WWOX: variants seen among roughly 807,000 people sequenced by gnomAD.
WWOX encodes WW domain-containing oxidoreductase.
A neutral mutation model predicts 46.2 loss-of-function variants in WWOX; 69 were observed. The observed-to-expected ratio is 1.49, with a 90% CI of 1.23 to 1.82. The LOEUF (loss-of-function observed/expected upper bound fraction) is 1.82. Ranked by LOEUF, WWOX falls within the 40% of genes most tolerant of loss-of-function variation. WWOX has a pLI of 0.00. For synonymous variants in WWOX, 359 were observed against 202.6 expected, an observed-to-expected ratio of 1.77 and a Z score of -6.56; for missense variants, 919 against 542.6, an observed-to-expected ratio of 1.69 and a Z score of -6.89.
chr16:78,898,123 T>C (rs1597122346), intron 8 of WWOX: 1 of 152,120 alleles, frequency 6.6e-6, no homozygotes, highest in Admixed American at 6.6e-5. Context: ...TCCTTAATGG[T>C]GTCTTTTGAA....
chr16:79,141,386 C>G (rs1352275452), intron 8 of WWOX, among the ~76,000 whole-genome samples: 1 of 152,170 alleles, frequency 6.6e-6, no homozygotes, highest in Non-Finnish European at 1.5e-5. Flanking sequence ...TCATCAGGCC[C>G]TCCTGAGGCT....
chr16:78,528,490 T>C (rs919820630), intron 8 of WWOX, among the ~76,000 whole-genome samples: 3 of 152,126 alleles, frequency 2.0e-5, no homozygotes, highest in African/African-American at 7.2e-5. Context: ...GATTTCATGA[T>C]TGATTCATGA....
intron 5 of WWOX, among the ~76,000 whole-genome samples, chr16:78,348,727 G>A (rs1359775804): frequency 8.2e-6 from 1 of 121,336 alleles, no homozygotes; most frequent in African/African-American, 2.8e-5. Context: ...CAAAGTGCTA[G>A]GATTACAGGT....
intron 6 of WWOX, among the ~76,000 whole-genome samples, chr16:78,406,294 A>G (rs1171725224): frequency 1.1e-5 from 1 of 92,750 alleles, no homozygotes; most frequent in African/African-American, 3.6e-5. Context: ...ATTACAGCAT[A>G]TAAATATAAA....
intron 5 of WWOX, among the ~76,000 whole-genome samples, chr16:78,227,989 G>C (rs968553002): frequency 1.3e-5 from 2 of 152,114 alleles, no homozygotes; most frequent in African/African-American, 4.8e-5. Context: ...GATGTCACCA[G>C]GGCACCACAC....
At chr16:78,772,999 T>G (rs1358448615) in intron 8 of WWOX, among the ~76,000 whole-genome samples, 48 of 152,166 alleles carry the variant, frequency 3.2e-4, no homozygotes. Context: ...TGCTCCAGCC[T>G]GGGCATCAAG....
At chr16:79,048,497 G>A (rs576845404) in intron 8 of WWOX, among the ~76,000 whole-genome samples, 10 of 152,010 alleles carry the variant, frequency 6.6e-5, no homozygotes, top group South Asian at 2.1e-4. Flanking sequence ...TTGGTGCTTC[G>A]TTTCTGTAGC....
At chr16:79,076,780 A>T (rs1359366793) in intron 8 of WWOX, among the ~76,000 whole-genome samples, 1 of 152,246 alleles carries the variant, frequency 6.6e-6, no homozygotes, top group Non-Finnish European at 1.5e-5. Context: ...CAGAATGGGA[A>T]TAAGAATACC....
intron 5 of WWOX, among the ~76,000 whole-genome samples, chr16:78,356,892 C>CA (rs33999856): frequency 2.0e-5 from 3 of 151,656 alleles, no homozygotes; most frequent in African/African-American, 7.3e-5. Context: ...AAAAAACAAA[C>CA]AAAAAAAAGT....
chr16:78,837,870 G>C (rs1485849155), intron 8 of WWOX, among the ~76,000 whole-genome samples: 2 of 152,138 alleles, frequency 1.3e-5, no homozygotes, highest in African/African-American at 4.8e-5. Flanking sequence ...TAAATATAAA[G>C]GTAAGTATTA....
At chr16:79,205,242 A>C (rs56033459) in intron 8 of WWOX, 4,141 of 152,190 alleles carry the variant, frequency 0.027, 211 homozygotes, top group African/African-American at 0.095. Flanking sequence ...ATTTATGGTG[A>C]TGGACTGGCA....
intron 8 of WWOX, chr16:78,996,443 T>G (rs541109346): frequency 3.4e-6 from 2 of 583,054 alleles, no homozygotes; most frequent in African/African-American, 2.2e-5. Context: ...TGGAGGCATA[T>G]TCAAAGTGCT....
chr16:78,475,654 G>A (rs2084333283), intron 8 of WWOX, among the ~76,000 whole-genome samples: 2 of 152,026 alleles, frequency 1.3e-5, no homozygotes, highest in Non-Finnish European at 2.9e-5. Flanking sequence ...GGAGTGCAGT[G>A]ACATGATCTC....
At position 79,202,679 on chromosome 16, in the gene WWOX, C is replaced by T. The variant is rs893313327; in HGVS notation, c.1057-8929C>T. ...TTAAAGAGTTTGAGAGAGTTTTTTC[C>T]CCTCTGTTAACAAACGAGTTCAAGT... On this transcript the variant is annotated intron_variant, in intron 8 of 8. Coordinates refer to ENST00000566780, the MANE Select transcript of WWOX (RefSeq NM_016373.4). 5.9e-5 allele frequency: 9 copies of T among 152,168 alleles called. No homozygotes were observed. In the South Asian group the frequency reaches 1.2e-3, roughly 21 times the overall value. The allele number at this position is 152,168 out of a possible 1,614,324, so 9.4% of individuals were successfully genotyped here. A position where few individuals can be genotyped will look rare whatever the true frequency, so the allele number is the denominator to read the frequency against.
At chr16:78,454,741 T>C (rs1318627878) in intron 8 of WWOX, among the ~76,000 whole-genome samples, 2 of 152,108 alleles carry the variant, frequency 1.3e-5, no homozygotes, top group African/African-American at 2.4e-5. Context: ...AGGTGATCCA[T>C]CCTCCTCAGC....
At chr16:78,440,937 T>TTTTTC (rs201632110) in intron 8 of WWOX, among the ~76,000 whole-genome samples, 14 of 151,920 alleles carry the variant, frequency 9.2e-5, no homozygotes, top group Admixed American at 3.3e-4. Flanking sequence ...TTCTTTTTCT[T>TTTTTC]TTTTCTTTTC....
At chr16:79,173,284 T>TCCATGTGCCATGTGCCATGTGCCATGTG in intron 8 of WWOX, among the ~76,000 whole-genome samples, 1 of 150,682 alleles carries the variant, frequency 6.6e-6, no homozygotes, top group South Asian at 2.1e-4. Flanking sequence ...ACCCTGCATG[T>TCCATGTGCCATGTGCCATGTGCCATGTG]CCATGTGCCA....
intron 8 of WWOX, among the ~76,000 whole-genome samples, chr16:79,102,446 C>A (rs1016131108): frequency 1.3e-5 from 2 of 152,058 alleles, no homozygotes; most frequent in African/African-American, 2.4e-5. Context: ...CTGCTAGGAG[C>A]CATTGGAGAT....
intron 5 of WWOX, among the ~76,000 whole-genome samples, chr16:78,333,593 A>G (rs1020534410): frequency 1.3e-5 from 2 of 152,216 alleles, no homozygotes; most frequent in African/African-American, 2.4e-5. Context: ...GCATATATAC[A>G]TAAACAGATA....
Sources: allele counts gnomAD v4.1 joint callset (sites outside exome capture counted in the v4.1 genomes callset), GRCh38; gene constraint gnomAD v4.1.1; transcripts MANE v1.5; gene names NCBI Gene and HGNC (gene_info 2026-07-23, HGNC 2026-07-21).